The following CACNA2D3 variants were observed in gnomAD, a reference collection of about 807,000 sequenced individuals.
CACNA2D3 encodes the protein calcium voltage-gated channel auxiliary subunit alpha2delta 3.
A neutral mutation model predicts 160.6 loss-of-function variants in CACNA2D3; 60 were observed. The observed-to-expected ratio is 0.37, with a 90% CI of 0.30 to 0.46. CACNA2D3 has a LOEUF of 0.46. CACNA2D3 is among the 20% of genes least tolerant of loss of function. The pLI is 1.00. For missense variants in CACNA2D3, 1,205 were observed against 1,365.0 expected, an observed-to-expected ratio of 0.88 and a Z score of 1.85; for synonymous variants, 558 against 492.9, an observed-to-expected ratio of 1.13 and a Z score of -1.75.
At chr3:54,917,581 C>T (rs1239578937) in intron 27 of CACNA2D3, among the ~76,000 whole-genome samples, 1 of 152,220 alleles carries the variant, frequency 6.6e-6, no homozygotes, top group Non-Finnish European at 1.5e-5. Context: ...ACTCTGTGCG[C>T]TATGTATGCA....
At chr3:54,730,938 A>C (rs1345998847) in intron 11 of CACNA2D3, among the ~76,000 whole-genome samples, 1 of 152,214 alleles carries the variant, frequency 6.6e-6, no homozygotes, top group Non-Finnish European at 1.5e-5. Context: ...TTGATTTTCT[A>C]ATTTGAAACT....
intron 2 of CACNA2D3, among the ~76,000 whole-genome samples, chr3:54,158,014 G>A (rs1700275756): frequency 6.6e-6 from 1 of 152,204 alleles, no homozygotes; most frequent in South Asian, 2.1e-4. Context: ...ACCTAAGGTG[G>A]GAGGCATTGC....
At chr3:54,144,924 T>C (rs1026987132) in intron 2 of CACNA2D3, among the ~76,000 whole-genome samples, 3 of 152,248 alleles carry the variant, frequency 2.0e-5, no homozygotes, top group Non-Finnish European at 4.4e-5. Flanking sequence ...ACTTCTGCTG[T>C]TTTTAACAGA....
intron 2 of CACNA2D3, among the ~76,000 whole-genome samples, chr3:54,194,644 C>T (rs1701045723): frequency 6.6e-6 from 1 of 152,178 alleles, no homozygotes; most frequent in Non-Finnish European, 1.5e-5. Flanking sequence ...TCTCATAGTT[C>T]TAGAGGCTGG....
At chr3:54,140,594 G>A (rs1279686735) in intron 2 of CACNA2D3, among the ~76,000 whole-genome samples, 1 of 152,234 alleles carries the variant, frequency 6.6e-6, no homozygotes, top group African/African-American at 2.4e-5. Flanking sequence ...TGCAAATGCA[G>A]TTGGGAGTCC....
rs533684079 is a variant in CACNA2D3, at chr3:54,447,882, G to A, written c.382-55610G>A. Among the ~76,000 whole-genome samples the A allele has an allele frequency of 4.6e-5, 7 of 152,254 alleles. No individual in the cohort carries two copies. In the South Asian group the frequency reaches 1.5e-3, roughly 32 times the overall value. ...TCCTTTGTCTTGGTAATGGATTTATGTTCTTCAATAATACTTTGGGAGAGA... is the reference window on the plus strand; with the variant it reads ...TCCTTTGTCTTGGTAATGGATTTATATTCTTCAATAATACTTTGGGAGAGA... On this transcript the variant is annotated intron_variant, in intron 4 of 37. Coordinates refer to ENST00000474759, the MANE Select transcript of CACNA2D3 (RefSeq NM_018398.3).
At chr3:54,177,153 G>T (rs1700694339) in intron 2 of CACNA2D3, among the ~76,000 whole-genome samples, 2 of 152,190 alleles carry the variant, frequency 1.3e-5, no homozygotes, top group Non-Finnish European at 2.9e-5. Flanking sequence ...CTGCTCCACA[G>T]CATGAGTCCC....
intron 9 of CACNA2D3, among the ~76,000 whole-genome samples, chr3:54,611,705 T>A (rs529235403): frequency 1.4e-3 from 213 of 152,324 alleles, no homozygotes; most frequent in African/African-American, 4.9e-3. Context: ...AGAAGAATCT[T>A]TTCAAACTTG....
chr3:54,125,290 C>T (rs987521977), intron 2 of CACNA2D3, among the ~76,000 whole-genome samples: 1 of 149,046 alleles, frequency 6.7e-6, no homozygotes, highest in African/African-American at 2.5e-5. Context: ...AAAACTCCGT[C>T]AACCTTATTA....
chr3:54,483,845 C>T (rs886586456), intron 4 of CACNA2D3, among the ~76,000 whole-genome samples: 12 of 152,186 alleles, frequency 7.9e-5, no homozygotes, highest in East Asian at 7.7e-4. Flanking sequence ...ATATTCAGAA[C>T]ACCTACTAAA....
Position 55,074,386 on chromosome 3 carries a change from T to TTA in CACNA2D3, c.*182_*183dup, listed in dbSNP as rs1704903705. The TTA allele has an allele frequency of 1.7e-6, 1 of 579,630 alleles. No homozygotes were observed. The highest frequency in any genetic ancestry group is 2.9e-5 in the East Asian group (1 of 34,748). The allele number at this position is 579,630 out of a possible 1,614,324, so 35.9% of individuals were successfully genotyped here. A position where few individuals can be genotyped will look rare whatever the true frequency, so the allele number is the denominator to read the frequency against. Reference sequence around the variant, plus strand: ...CTCTTAAAGATATGTTGACAAAAAGTTATCTATCATCTTTTTACTTTGCCA... The same window carrying TTA: ...CTCTTAAAGATATGTTGACAAAAAGTTATATCTATCATCTTTTTACTTTGCCA... On this transcript the variant is annotated 3_prime_UTR_variant, in exon 38 of 38. Coordinates refer to ENST00000474759, the MANE Select transcript of CACNA2D3 (RefSeq NM_018398.3).
intron 2 of CACNA2D3, among the ~76,000 whole-genome samples, chr3:54,306,700 C>G (rs758825973): frequency 6.6e-6 from 1 of 152,136 alleles, no homozygotes; most frequent in Non-Finnish European, 1.5e-5. Flanking sequence ...TCACACCTCA[C>G]GAGGGAGATC....
intron 35 of CACNA2D3, among the ~76,000 whole-genome samples, chr3:55,064,200 G>A (rs987830720): frequency 1.3e-5 from 2 of 152,228 alleles, no homozygotes; most frequent in African/African-American, 2.4e-5. Context: ...CCCCTTGCCA[G>A]GGGCTTGCTG....
At chr3:54,586,435 T>C (rs1702763146) in intron 9 of CACNA2D3, among the ~76,000 whole-genome samples, 1 of 152,148 alleles carries the variant, frequency 6.6e-6, no homozygotes, top group South Asian at 2.1e-4. Flanking sequence ...AAGAAAGGGA[T>C]ATTTCATAAT....
At chr3:54,451,245 T>C (rs1177873690) in intron 4 of CACNA2D3, among the ~76,000 whole-genome samples, 1 of 117,608 alleles carries the variant, frequency 8.5e-6, no homozygotes, top group Non-Finnish European at 1.8e-5. Context: ...TTTTTTTTTT[T>C]TTTTTTTTTT....
intron 4 of CACNA2D3, among the ~76,000 whole-genome samples, chr3:54,389,085 A>C (rs1433939886): frequency 2.0e-5 from 3 of 152,160 alleles, no homozygotes; most frequent in African/African-American, 7.2e-5. Context: ...CGGGTGTATC[A>C]GGAGTTTGAG....
chr3:54,716,709 A>G (rs1156346898), intron 11 of CACNA2D3, among the ~76,000 whole-genome samples: 1 of 152,140 alleles, frequency 6.6e-6, no homozygotes, highest in African/African-American at 2.4e-5. Context: ...ACAAAAGTAA[A>G]GGAGTTTTTG....
intron 27 of CACNA2D3, among the ~76,000 whole-genome samples, chr3:54,957,890 C>T (rs537287427): frequency 6.2e-4 from 95 of 152,336 alleles, no homozygotes; most frequent in African/African-American, 2.3e-3. Context: ...TGTCTCACAT[C>T]CTTCCCTCCC....
rs59199401 is a variant in CACNA2D3, at chr3:54,661,213, T to A, written c.1167+18972T>A. 5.6e-3 allele frequency among the ~76,000 whole-genome samples: 849 copies of A among 152,304 alleles called. 12 individuals carry two copies. The highest frequency in any genetic ancestry group is 0.02 in the African/African-American group (812 of 41,562). ...TCAGCCTGGCTGGGGGACAAGTGTCTAGAGCCTTCTAGGTCAAAGCCTGAA... is the reference window on the plus strand; with the variant it reads ...TCAGCCTGGCTGGGGGACAAGTGTCAAGAGCCTTCTAGGTCAAAGCCTGAA... On this transcript the variant is annotated intron_variant, in intron 11 of 37. Transcript: ENST00000474759.
Sources: gnomAD v4.1 joint callset for allele counts (sites outside exome capture counted in the v4.1 genomes callset) on GRCh38, gnomAD v4.1.1 for gene constraint, MANE v1.5 for transcripts, NCBI Gene and HGNC (gene_info 2026-07-23, HGNC 2026-07-21) for gene names.